Variants in CLSTN2 observed in about 807,000 individuals in gnomAD.
CLSTN2 encodes the protein calsyntenin 2.
A neutral mutation model predicts 101.2 loss-of-function variants in CLSTN2; 48 were observed. The ratio of observed to expected loss-of-function variants is 0.47; its 90% CI spans 0.38 to 0.60. The LOEUF (loss-of-function observed/expected upper bound fraction) is 0.60, where lower values mean the gene tolerates loss of function less well. Among genes scored for constraint, CLSTN2 ranks in the 20% least tolerant of loss-of-function variants. The pLI, the probability that CLSTN2 is intolerant of heterozygous loss-of-function variation, is 0.00. For missense variants in CLSTN2, 1,160 were observed against 1,238.2 expected (o/e 0.94, Z 0.95); for synonymous variants, 481 against 463.6 (o/e 1.04, Z -0.48).
chr3:140,559,298 A>C (rs1021433543), intron 12 of CLSTN2, among the ~76,000 whole-genome samples: 4 of 152,114 alleles, frequency 2.6e-5, no homozygotes, highest in African/African-American at 9.7e-5. Context: ...AAAATGTTCT[A>C]TAGTGGGCAT....
chr3:140,492,284 C>T (rs532399635), intron 8 of CLSTN2, among the ~76,000 whole-genome samples: 46 of 152,254 alleles, frequency 3.0e-4, no homozygotes, highest in African/African-American at 8.4e-4. Flanking sequence ...TCTGCTAAAG[C>T]GGGCCCAGTA....
chr3:140,164,671 C>T (rs1182143083), intron 1 of CLSTN2, among the ~76,000 whole-genome samples: 1 of 152,148 alleles, frequency 6.6e-6, no homozygotes, highest in Non-Finnish European at 1.5e-5. Context: ...GTAGAGACAA[C>T]TTAAAATTTA....
chr3:140,225,342 T>C (rs2086308608), intron 2 of CLSTN2, among the ~76,000 whole-genome samples: 1 of 152,222 alleles, frequency 6.6e-6, no homozygotes, highest in African/African-American at 2.4e-5. Context: ...TTACTTCAGT[T>C]GCACTGTTTC....
At chr3:140,530,148 T>C (rs1935224023) in intron 8 of CLSTN2, among the ~76,000 whole-genome samples, 1 of 152,246 alleles carries the variant, frequency 6.6e-6, no homozygotes, top group East Asian at 1.9e-4. Flanking sequence ...TATAATACCA[T>C]TTATAATAGC....
At chr3:140,565,912 C>A (rs1936015921) in intron 16 of CLSTN2, 141 bp from the exon 17 acceptor site, 1 of 1,054,396 alleles carries the variant, frequency 9.5e-7, no homozygotes. Context: ...GGAAGTCTGT[C>A]TCCAGGCTGA....
chr3:140,515,002 C>T (rs1218556250), intron 8 of CLSTN2, among the ~76,000 whole-genome samples: 1 of 152,050 alleles, frequency 6.6e-6, no homozygotes, highest in Non-Finnish European at 1.5e-5. Context: ...TCTATTTGGT[C>T]CTGGACTTTT....
chr3:139,955,336 TG>T (rs1935374324), intron 1 of CLSTN2, among the ~76,000 whole-genome samples: 1 of 151,878 alleles, frequency 6.6e-6, no homozygotes, highest in Admixed American at 6.6e-5. Context: ...TATTAAACTC[TG>T]GCTCAAGAGG....
intron 8 of CLSTN2, among the ~76,000 whole-genome samples, chr3:140,472,326 A>G (rs1933868918): frequency 6.6e-6 from 1 of 152,234 alleles, no homozygotes; most frequent in South Asian, 2.1e-4. Context: ...GAAGGATCTA[A>G]AAGTGAATAC....
At chr3:140,378,815 A>G (rs2087947736) in intron 2 of CLSTN2, among the ~76,000 whole-genome samples, 3 of 152,212 alleles carry the variant, frequency 2.0e-5, no homozygotes, top group Admixed American at 2.0e-4. Context: ...AAAAATAGCT[A>G]GCTCTCAGGA....
intron 1 of CLSTN2, among the ~76,000 whole-genome samples, chr3:139,940,097 A>G (rs1935099468): frequency 6.6e-6 from 1 of 152,162 alleles, no homozygotes; most frequent in Non-Finnish European, 1.5e-5. Flanking sequence ...TCTAGTCCTC[A>G]GGGCTCAAAG....
At chr3:140,075,730 C>T (rs2008476154) in intron 1 of CLSTN2, among the ~76,000 whole-genome samples, 1 of 152,126 alleles carries the variant, frequency 6.6e-6, no homozygotes, top group Non-Finnish European at 1.5e-5. Context: ...CAGTCAAACT[C>T]AGCTTTTTTG....
intron 1 of CLSTN2, among the ~76,000 whole-genome samples, chr3:140,128,002 A>T (rs1198370889): frequency 1.3e-5 from 2 of 152,186 alleles, no homozygotes; most frequent in Admixed American, 1.3e-4. Flanking sequence ...TAGGAAGCAA[A>T]TACTCACACC....
intron 1 of CLSTN2, among the ~76,000 whole-genome samples, chr3:140,125,747 C>A (rs1044683776): frequency 6.6e-6 from 1 of 152,110 alleles, no homozygotes; most frequent in African/African-American, 2.4e-5. Flanking sequence ...GTTCTCCAGA[C>A]ACTTTTATGT....
intron 1 of CLSTN2, among the ~76,000 whole-genome samples, chr3:140,062,085 G>C (rs1392770948): frequency 2.6e-5 from 4 of 152,158 alleles, no homozygotes; most frequent in Non-Finnish European, 5.9e-5. Context: ...GTAATTTCAG[G>C]TGAGAACTCA....
In CLSTN2 at chr3:140,310,103, T is replaced by A. The variant is rs991605699; in HGVS notation, c.233-93526T>A. Reference sequence around the variant, plus strand: ...CATCTCCTCCTTTTAATTTGCCCTTTCTCCTCTAAGACTGCAGGAGCTCAG... The same window carrying A: ...CATCTCCTCCTTTTAATTTGCCCTTACTCCTCTAAGACTGCAGGAGCTCAG... On this transcript the variant is annotated intron_variant, in intron 2 of 16. Coordinates refer to ENST00000458420, the MANE Select transcript of CLSTN2 (RefSeq NM_022131.3). Among the ~76,000 whole-genome samples, 25 of 152,168 alleles carry A rather than the reference T, an allele frequency of 1.6e-4. No homozygotes were observed. The East Asian group carries it at 3.1e-3, about 19-fold the overall frequency.
intron 1 of CLSTN2, among the ~76,000 whole-genome samples, chr3:140,114,513 A>C (rs1281051503): frequency 6.6e-6 from 1 of 152,186 alleles, no homozygotes; most frequent in Non-Finnish European, 1.5e-5. Flanking sequence ...CAAGCTTCTC[A>C]ATAAATTTAT....
chr3:140,076,217 G>A (rs2008485123), intron 1 of CLSTN2, among the ~76,000 whole-genome samples: 1 of 152,138 alleles, frequency 6.6e-6, no homozygotes, highest in South Asian at 2.1e-4. Context: ...GTTCATCCTT[G>A]TTGTTGCCTA....
chr3:140,435,303 G>A (rs2088674487), intron 5 of CLSTN2, among the ~76,000 whole-genome samples: 1 of 151,866 alleles, frequency 6.6e-6, no homozygotes, highest in Non-Finnish European at 1.5e-5. Flanking sequence ...CCACAAATAA[G>A]TGAGAATATG....
At chr3:140,109,646 T>A (rs902783347) in intron 1 of CLSTN2, among the ~76,000 whole-genome samples, 16 of 152,124 alleles carry the variant, frequency 1.1e-4, no homozygotes, top group Non-Finnish European at 1.3e-4. Context: ...CCTGTAGAGA[T>A]CTTTAGAAGA....
Sources: gnomAD v4.1 joint callset for allele counts (sites outside exome capture counted in the v4.1 genomes callset) on GRCh38, gnomAD v4.1.1 for gene constraint, MANE v1.5 for transcripts, NCBI Gene and HGNC (gene_info 2026-07-23, HGNC 2026-07-21) for gene names.